Variants in CSMD1 observed in about 807,000 individuals in gnomAD.
The protein encoded by CSMD1 is CUB and Sushi multiple domains 1.
A neutral mutation model predicts 417.5 loss-of-function variants in CSMD1; 213 were observed. That is an observed-to-expected ratio of 0.51 (90% CI 0.46 to 0.57). The LOEUF (loss-of-function observed/expected upper bound fraction) is 0.57. Among genes scored for constraint, CSMD1 ranks in the 20% least tolerant of loss-of-function variants. The pLI is 0.00. For missense variants in CSMD1, 6,923 were observed against 4,529.7 expected (o/e 1.53, Z -15.17); for synonymous variants, 2,862 against 1,736.8 (o/e 1.65, Z -16.11).
chr8:3,438,222 A>T (rs1488120374), intron 12 of CSMD1, among the ~76,000 whole-genome samples: 1 of 152,208 alleles, frequency 6.6e-6, no homozygotes, highest in Non-Finnish European at 1.5e-5. Flanking sequence ...TGTAAGAGGT[A>T]ATACAAAGTT....
chr8:4,487,775 G>A (rs890618884), intron 2 of CSMD1, among the ~76,000 whole-genome samples: 5 of 152,144 alleles, frequency 3.3e-5, no homozygotes, highest in Non-Finnish European at 5.9e-5. Flanking sequence ...TAAAGAAAAT[G>A]TCCTAAATAT....
intron 51 of CSMD1, among the ~76,000 whole-genome samples, chr8:3,027,782 T>A (rs1364940197): frequency 6.6e-6 from 1 of 152,168 alleles, no homozygotes; most frequent in Non-Finnish European, 1.5e-5. Flanking sequence ...GAAAACAGAC[T>A]TTCTAGAATT....
At chr8:3,959,396 G>C (rs796962655) in intron 5 of CSMD1, among the ~76,000 whole-genome samples, 7 of 152,296 alleles carry the variant, frequency 4.6e-5, no homozygotes, top group African/African-American at 1.2e-4. Context: ...CTACTCAAGA[G>C]GCTGAAGTGG....
intron 3 of CSMD1, among the ~76,000 whole-genome samples, chr8:4,312,799 G>C (rs1173054206): frequency 1.3e-5 from 2 of 152,112 alleles, no homozygotes; most frequent in South Asian, 2.1e-4. Flanking sequence ...GCTTGAACCA[G>C]GGTGGTGGAG....
At position 4,698,747 on chromosome 8, in the gene CSMD1, C is replaced by G. The variant is rs555566285; in HGVS notation, c.86-61189G>C. Among the ~76,000 whole-genome samples the G allele has an allele frequency of 1.4e-4, 14 of 96,960 alleles. No individual in the cohort carries two copies. In the South Asian group the frequency reaches 4.9e-3, roughly 34 times the overall value. 63.6% of individuals were successfully genotyped at this position (96,960 alleles called of 152,430 possible). A position where few individuals can be genotyped will look rare whatever the true frequency, so the allele number is the denominator to read the frequency against. The stretch of plus-strand genomic sequence containing the variant: ...TCCCTTCCTTCTTACCTACTAAACT[C>G]TCTGCCCCTTAAAAAAAAAAATTCC... On this transcript the variant is annotated intron_variant, in intron 1 of 69. Transcript: ENST00000635120.
At chr8:4,831,619 C>T (rs1401500323) in intron 1 of CSMD1, among the ~76,000 whole-genome samples, 2 of 152,122 alleles carry the variant, frequency 1.3e-5, no homozygotes, top group Non-Finnish European at 2.9e-5. Flanking sequence ...CCTGGTGACA[C>T]TCTTTCTTTC....
intron 2 of CSMD1, among the ~76,000 whole-genome samples, chr8:4,627,414 A>G (rs910277696): frequency 1.3e-5 from 2 of 152,198 alleles, no homozygotes; most frequent in African/African-American, 2.4e-5. Flanking sequence ...AACTATTTCA[A>G]CAAACTACTT....
intron 5 of CSMD1, among the ~76,000 whole-genome samples, chr8:3,856,639 C>A (rs1804332895): frequency 6.6e-6 from 1 of 152,174 alleles, no homozygotes; most frequent in Non-Finnish European, 1.5e-5. Context: ...CCTGCAGCAG[C>A]AGTAAACGTT....
intron 2 of CSMD1, among the ~76,000 whole-genome samples, chr8:4,472,029 T>A (rs1800563810): frequency 6.6e-6 from 1 of 152,198 alleles, no homozygotes; most frequent in South Asian, 2.1e-4. Flanking sequence ...ATTTTTTAAC[T>A]AGAAATAATT....
intron 3 of CSMD1, among the ~76,000 whole-genome samples, chr8:4,392,367 G>C (rs1413849293): frequency 6.6e-6 from 1 of 152,130 alleles, no homozygotes; most frequent in Non-Finnish European, 1.5e-5. Flanking sequence ...GAGCAGTAAA[G>C]AGAAAATAGA....
intron 8 of CSMD1, among the ~76,000 whole-genome samples, chr8:3,587,649 C>T (rs959326779): frequency 6.6e-6 from 1 of 152,224 alleles, no homozygotes; most frequent in Middle Eastern, 3.4e-3. Flanking sequence ...CCATGGATGT[C>T]GGCAACAGCC....
intron 6 of CSMD1, among the ~76,000 whole-genome samples, chr8:3,710,227 G>C (rs1160331391): frequency 6.6e-6 from 1 of 152,058 alleles, no homozygotes; most frequent in Non-Finnish European, 1.5e-5. Flanking sequence ...TCATTGAACA[G>C]AGTCTAAAAA....
At chr8:3,574,056 C>G (rs1010760490) in intron 10 of CSMD1, among the ~76,000 whole-genome samples, 2 of 151,990 alleles carry the variant, frequency 1.3e-5, no homozygotes, top group African/African-American at 2.4e-5. Flanking sequence ...TAATTGCAAA[C>G]TATGTATGCA....
intron 5 of CSMD1, among the ~76,000 whole-genome samples, chr8:3,863,509 T>C (rs562471908): frequency 2.6e-5 from 4 of 152,162 alleles, no homozygotes; most frequent in South Asian, 2.1e-4. Flanking sequence ...ACATCAGATA[T>C]TGGGCTCCAA....
At chr8:4,935,642 TC>T (rs1369900288) in intron 1 of CSMD1, among the ~76,000 whole-genome samples, 10 of 152,358 alleles carry the variant, frequency 6.6e-5, no homozygotes, top group Non-Finnish European at 1.3e-4. Flanking sequence ...TCACTCTCTC[TC>T]GATGATATCA....
At position 4,404,961 on chromosome 8, in the gene CSMD1, A is replaced by T. The variant is rs1490664704; in HGVS notation, c.415+14992T>A. Among the ~76,000 whole-genome samples, 3 of 152,214 alleles carry T rather than the reference A, an allele frequency of 2.0e-5. No individual in the cohort carries two copies. In the East Asian group the frequency reaches 5.8e-4, roughly 29 times the overall value. On this transcript the variant is annotated intron_variant, in intron 3 of 69. Coordinates refer to ENST00000635120, the MANE Select transcript of CSMD1 (RefSeq NM_033225.6). ...TGATTATCCTCTTTTGGAAATATGGAAACCGAGGCACAAGAGGATTAGTCA... is the reference window on the plus strand; with the variant it reads ...TGATTATCCTCTTTTGGAAATATGGTAACCGAGGCACAAGAGGATTAGTCA...
chr8:4,297,640 T>G lies in CSMD1; in HGVS notation c.415+122313A>C, dbSNP rs572909010. ...GAAATTGAACTTGACCTTTCAAAAG[T>G]TCACACTAGGGTTTGGATTTTGACT... On this transcript the variant is annotated intron_variant, in intron 3 of 69. Transcript: ENST00000635120. 6.4e-4 allele frequency among the ~76,000 whole-genome samples: 98 copies of G among 152,278 alleles called. No homozygotes were observed. In the South Asian group the frequency reaches 0.019, roughly 30 times the overall value.
intron 10 of CSMD1, among the ~76,000 whole-genome samples, chr8:3,512,514 G>A (rs1018494283): frequency 6.7e-6 from 1 of 148,548 alleles, no homozygotes; most frequent in Non-Finnish European, 1.5e-5. Context: ...TGAACGGCTG[G>A]GCTGGTGGGC....
At chr8:4,061,666 G>A (rs538423476) in intron 3 of CSMD1, among the ~76,000 whole-genome samples, 8 of 152,130 alleles carry the variant, frequency 5.3e-5, no homozygotes, top group African/African-American at 9.7e-5. Flanking sequence ...AGACTGTTTC[G>A]TGATGGTGTG....
Sources: gnomAD v4.1 joint callset for allele counts (sites outside exome capture counted in the v4.1 genomes callset) on GRCh38, gnomAD v4.1.1 for gene constraint, MANE v1.5 for transcripts, NCBI Gene and HGNC (gene_info 2026-07-23, HGNC 2026-07-21) for gene names.